Variants in NEK4 observed in about 807,000 individuals in gnomAD.
NEK4 encodes serine/threonine-protein kinase Nek4.
NEK4 carries 86 observed loss-of-function variants against 98.4 expected under a neutral mutation model. That is an observed-to-expected ratio of 0.87 (90% CI 0.73 to 1.05). The LOEUF is 1.05. Among genes scored for constraint, NEK4 ranks in the 50% least tolerant of loss-of-function variants. The pLI is 0.00. For missense variants in NEK4, 898 were observed against 950.3 expected (o/e 0.94, Z 0.72); for synonymous variants, 328 against 342.2 (o/e 0.96, Z 0.46).
At chr3:52,766,992 C>CA (rs755690122) in intron 2 of NEK4, among the ~76,000 whole-genome samples, 2,302 of 126,066 alleles carry the variant, frequency 0.018, 51 homozygotes, top group African/African-American at 0.057. Flanking sequence ...GACTCCGTCT[C>CA]AAAAAAAAAA....
At chr3:52,714,052 T>C (rs2097352842) in intron 15 of NEK4, among the ~76,000 whole-genome samples, 1 of 151,996 alleles carries the variant, frequency 6.6e-6, no homozygotes, top group Admixed American at 6.6e-5. Flanking sequence ...TTAGGCAACA[T>C]GGTGAAACTT....
chr3:52,722,687 G>A (rs1338499527), intron 15 of NEK4, among the ~76,000 whole-genome samples: 2 of 152,116 alleles, frequency 1.3e-5, no homozygotes, highest in East Asian at 3.9e-4. Flanking sequence ...CAGATTGCTT[G>A]AGGCCAGGAG....
chr3:52,770,697 T>A lies in NEK4; in HGVS notation c.50A>T (p.Tyr17Phe), dbSNP rs1698749199. ...CYLRVVGKGS[Y>F]GEVTLVKHRR... ...GTGCTTCACAAGCGTCACCTCTCCA[T>A]AGCTCCCCTTGCCCACGACCCGCAG... is the stretch of plus-strand genomic sequence containing the variant. Residue 17 changes from tyrosine (Y) to phenylalanine (F), a missense_variant, in exon 1 of 16, where the codon TAT becomes TTT. Coordinates refer to ENST00000233027, the MANE Select transcript of NEK4 (RefSeq NM_003157.6). 6.4e-7 allele frequency: 1 copy of A among 1,570,258 alleles called. No individual in the cohort carries two copies. Among genetic ancestry groups the A allele is most frequent in the Non-Finnish European group, 8.6e-7 (1 of 1,158,832 alleles).
intron 15 of NEK4, among the ~76,000 whole-genome samples, chr3:52,716,080 C>T (rs905198261): frequency 6.6e-6 from 1 of 152,216 alleles, no homozygotes; most frequent in Admixed American, 6.5e-5. Flanking sequence ...CTGCCCGCCC[C>T]GCTGCAGCAA....
chr3:52,768,907 T>C (rs575152956), intron 1 of NEK4, among the ~76,000 whole-genome samples: 31 of 152,292 alleles, frequency 2.0e-4, no homozygotes, highest in Admixed American at 4.6e-4. Context: ...GGATCAATTA[T>C]AAAACCTGTG....
chr3:52,735,295 A>T (rs1270819789), intron 15 of NEK4, among the ~76,000 whole-genome samples: 1 of 152,240 alleles, frequency 6.6e-6, no homozygotes, highest in Admixed American at 6.5e-5. Context: ...GTTAGAGCGA[A>T]ATTTATTTTG....
intron 4 of NEK4, among the ~76,000 whole-genome samples, chr3:52,765,254 G>A (rs1364115385): frequency 1.3e-5 from 2 of 151,748 alleles, no homozygotes; most frequent in Non-Finnish European, 2.9e-5. Flanking sequence ...GGTAAGCTAA[G>A]GCACAAGAAT....
At chr3:52,745,629 C>G (rs1401045541) in intron 10 of NEK4, among the ~76,000 whole-genome samples, 1 of 152,032 alleles carries the variant, frequency 6.6e-6, no homozygotes, top group Admixed American at 6.5e-5. Context: ...TCTGTTCCTT[C>G]CAGTGTTTGG....
intron 15 of NEK4, chr3:52,733,616 T>G (rs1226526591): frequency 9.9e-6 from 5 of 502,732 alleles, no homozygotes; most frequent in Non-Finnish European, 1.2e-5. Flanking sequence ...GTAACAAACG[T>G]TGAAAGCATT....
At position 52,737,389 on chromosome 3, in the gene NEK4, G is replaced by C. The variant is rs2097377934; in HGVS notation, c.2433+197C>G. On this transcript the variant is annotated intron_variant, in intron 15 of 15. Coordinates refer to ENST00000233027, the MANE Select transcript of NEK4 (RefSeq NM_003157.6). ...GACCATGGGGAGTGACTGCTAACAG[G>C]TGCAGGGCTTCTTGGGGCGTAATGA... is the stretch of plus-strand genomic sequence containing the variant. The C allele has an allele frequency of 7.6e-6, 4 of 529,354 alleles. No homozygotes were observed. The Admixed American group carries it at 1.3e-4, about 17-fold the overall frequency. 32.8% of individuals were successfully genotyped at this position (529,354 alleles called of 1,614,324 possible). A position where few individuals can be genotyped will look rare whatever the true frequency, so the allele number is the denominator to read the frequency against.
intron 15 of NEK4, 121 bp downstream of exon 15, chr3:52,737,465 T>C (rs2097378064): frequency 1.1e-5 from 12 of 1,065,788 alleles, no homozygotes; most frequent in Non-Finnish European, 1.3e-5. Context: ...TGTAAACACA[T>C]TAAAAACCAC....
chr3:52,759,787 C>T (rs753051698), intron 6 of NEK4, among the ~76,000 whole-genome samples: 1 of 152,210 alleles, frequency 6.6e-6, no homozygotes, highest in Non-Finnish European at 1.5e-5. Flanking sequence ...CAACTACTTG[C>T]ACACTTATGT....
rs1203899001 is a variant in NEK4 at position 52,768,550 on chromosome 3, C to T, written c.148G>A (p.Ala50Thr). Residue 50 changes from alanine (A) to threonine (T), a missense_variant, in exon 2 of 16, where the codon GCT becomes ACT. Transcript: ENST00000233027. ...RNASSRERRAAEQEAQLLSQL... is the reference protein window; with the variant it reads ...RNASSRERRATEQEAQLLSQL... ...GACAAGAGCTGGGCTTCCTGTTCAG[C>T]AGCTCGCCGCTCTCGGCTAGAGGCA... The T allele has an allele frequency of 6.2e-7, 1 of 1,614,242 alleles. No individual in the cohort carries two copies. Among genetic ancestry groups the T allele is most frequent in the Non-Finnish European group, 8.5e-7 (1 of 1,180,024 alleles).
Position 52,743,399 on chromosome 3 carries a change from G to C in NEK4, c.1957C>G (p.Gln653Glu). 1 of 1,614,128 alleles carries C rather than the reference G, an allele frequency of 6.2e-7. No individual in the cohort carries two copies. Among genetic ancestry groups the C allele is most frequent in the South Asian group, 1.1e-5 (1 of 91,088 alleles). The change falls in exon 12 of 16, where the codon CAG (glutamine) becomes GAG (glutamate). Residue 653 changes from glutamine to glutamate, a missense_variant. Physicochemically the swap from Gln to Glu is conservative, Grantham distance 29. Transcript: ENST00000233027. ...GAGAGCCGTCGGGCAGGCAAGGGCTGGTCTTCTTCCTGGGGTTTTCCTGGC... is the reference window on the plus strand; with the variant it reads ...GAGAGCCGTCGGGCAGGCAAGGGCTCGTCTTCTTCCTGGGGTTTTCCTGGC... ...AGPGKPQEEDQPLPARRLSSD... is the reference protein window; with the variant it reads ...AGPGKPQEEDEPLPARRLSSD...
Position 52,766,214 on chromosome 3 carries a change from G to T in NEK4, c.522C>A (p.Ser174Arg). The T allele has an allele frequency of 6.2e-7, 1 of 1,614,116 alleles. No homozygotes were observed. The highest frequency in any genetic ancestry group is 8.5e-7 in the Non-Finnish European group (1 of 1,179,980). ...STLIGTPYYM[S>R]PELFSNKPYN... The stretch of plus-strand genomic sequence containing the variant: ...AGGGTTTGTTTGAGAACAATTCAGG[G>T]CTCATGTAGTAGGGTGTGCCAATGA... The change falls in exon 3 of 16, where the codon AGC (serine) becomes AGA (arginine). Residue 174 changes from serine to arginine, a missense_variant. Physicochemically the swap from Ser to Arg is moderately radical, Grantham distance 110. Transcript: ENST00000233027.
intron 5 of NEK4, among the ~76,000 whole-genome samples, chr3:52,763,153 G>A (rs1409864569): frequency 1.3e-5 from 2 of 152,160 alleles, no homozygotes; most frequent in African/African-American, 4.8e-5. Flanking sequence ...AAAGCATTTA[G>A]GTTTTGCCAC....
intron 4 of NEK4, 92 bp from the exon 5 acceptor site, chr3:52,763,716 A>G (rs946236508): frequency 4.6e-6 from 4 of 871,030 alleles, no homozygotes; most frequent in East Asian, 2.5e-5. Context: ...ATTTATAGTC[A>G]TATGTCCACA....
At chr3:52,763,698 C>T (rs759480706) in intron 4 of NEK4, 74 bp from the exon 5 acceptor site, 10 of 1,139,464 alleles carry the variant, frequency 8.8e-6, no homozygotes, top group Non-Finnish European at 1.3e-5. Flanking sequence ...AGAGGTTTCC[C>T]AATATTTATT....
Position 52,770,898 on chromosome 3 carries a change from C to A in NEK4, c.-152G>T. On this transcript the variant is annotated 5_prime_UTR_variant, in exon 1 of 16. Coordinates refer to ENST00000233027, the MANE Select transcript of NEK4 (RefSeq NM_003157.6). The stretch of plus-strand genomic sequence containing the variant: ...GGCGGGATTGCTGGGGCCCGGCCCG[C>A]GACGACGCCGCTGCCATAGCGATCC... 1 of 636,012 alleles carries A rather than the reference C, an allele frequency of 1.6e-6. No homozygotes were observed. The highest frequency in any genetic ancestry group is 2.7e-6 in the Non-Finnish European group (1 of 370,184). The allele number at this position is 636,012 out of a possible 1,614,324, so 39.4% of individuals were successfully genotyped here.
Sources: gnomAD v4.1 joint callset for allele counts (sites outside exome capture counted in the v4.1 genomes callset) on GRCh38, gnomAD v4.1.1 for gene constraint, MANE v1.5 for transcripts, NCBI Gene and HGNC (gene_info 2026-07-23, HGNC 2026-07-21) for gene names.